KCNJ8: variants seen among roughly 807,000 people sequenced by gnomAD.
KCNJ8 encodes potassium inwardly rectifying channel subfamily J member 8.
Under a neutral mutation model 28.2 loss-of-function variants are expected in KCNJ8, and 13 were observed. That is an observed-to-expected ratio of 0.46 (90% CI 0.30 to 0.73). The LOEUF is 0.73. Ranked by LOEUF, KCNJ8 falls within the 30% of genes least tolerant of loss-of-function variation. The probability of loss-of-function intolerance (pLI) is 0.07; values close to 1 mark genes in which losing one functional copy is unlikely to be tolerated. For missense variants in KCNJ8, 284 were observed against 542.6 expected, an observed-to-expected ratio of 0.52 and a Z score of 4.73; for synonymous variants, 188 against 195.9, an observed-to-expected ratio of 0.96 and a Z score of 0.34.
At chr12:21,774,228 T>G (rs1222631616) in intron 1 of KCNJ8, among the ~76,000 whole-genome samples, 1 of 152,150 alleles carries the variant, frequency 6.6e-6, no homozygotes, top group East Asian at 1.9e-4. Context: ...GCTATAGAAT[T>G]TATAAGTTAT....
rs764215606 is a variant in KCNJ8, at chr12:21,766,031, G to A, written c.967C>T (p.Arg323Cys). The A allele has an allele frequency of 8.7e-6, 14 of 1,614,006 alleles. No homozygotes were observed. Among genetic ancestry groups the A allele is most frequent in the Admixed American group, 3.3e-5 (2 of 59,996 alleles). Residue 323 changes from arginine to cysteine, a missense_variant, in exon 3 of 3, where the codon CGC becomes TGC. By Grantham distance (180) the Arg-to-Cys change is radical. Transcript: ENST00000240662. This position sits in a 1 kb window ranked among gnomAD's most constrained non-coding sequence, Gnocchi z 6.5. ...YIAEEIQWGH[R>C]FVSIVTEEEG... is the part of the protein sequence containing the mutation. ...TCCTCAGTCACAATGGACACAAAGCGGTGGCCCCATTGGATCTCCTCAGCA... is the reference window on the plus strand; with the variant it reads ...TCCTCAGTCACAATGGACACAAAGCAGTGGCCCCATTGGATCTCCTCAGCA...
chr12:21,769,004 A>T (rs1423876902), intron 2 of KCNJ8, among the ~76,000 whole-genome samples: 14 of 152,226 alleles, frequency 9.2e-5, no homozygotes, highest in Non-Finnish European at 1.8e-4. Context: ...AGCTAAGAAA[A>T]TTAGTAAAGG....
chr12:21,768,055 T>C (rs976061472), intron 2 of KCNJ8, among the ~76,000 whole-genome samples: 1 of 151,632 alleles, frequency 6.6e-6, no homozygotes, highest in Non-Finnish European at 1.5e-5. Flanking sequence ...GGGGTGTGTG[T>C]GGGGGGAAAT....
chr12:21,766,041 T>C lies in KCNJ8; in HGVS notation c.957A>G (p.Gln319=), dbSNP rs147926739. The C allele has an allele frequency of 3.7e-6, 6 of 1,614,050 alleles. No homozygotes were observed. Among genetic ancestry groups the C allele is most frequent in the African/African-American group, 1.3e-5 (1 of 74,910 alleles). ...CAATGGACACAAAGCGGTGGCCCCA[T>C]TGGATCTCCTCAGCAATGTAGGAGG... is the stretch of plus-strand genomic sequence containing the variant. ...ARTSYIAEEI[Q]WGHRFVSIVT... is the part of the protein sequence containing the mutation. The change falls in exon 3 of 3, where the codon CAA becomes CAG. Residue 319 remains glutamine (Q), a synonymous_variant. Coordinates refer to ENST00000240662, the MANE Select transcript of KCNJ8 (RefSeq NM_004982.4). The surrounding 1 kb of genome is among the most constrained non-coding windows in gnomAD (Gnocchi z 6.5).
intron 2 of KCNJ8, among the ~76,000 whole-genome samples, chr12:21,771,253 A>T (rs1162660812): frequency 1.3e-5 from 2 of 152,218 alleles, no homozygotes; most frequent in African/African-American, 4.8e-5. Flanking sequence ...GAGACTATTC[A>T]TGAGCCACAT....
chr12:21,765,964 G>A lies in KCNJ8; in HGVS notation c.1034C>T (p.Thr345Ile). Reference sequence around the variant, plus strand: ...GCACCGTGGAGCAGCTACTTTAACAGTGTTGCCAAATTTGGAGTAATCCAC... The same window carrying A: ...GCACCGTGGAGCAGCTACTTTAACAATGTTGCCAAATTTGGAGTAATCCAC... ...YSVDYSKFGN[T>I]VKVAAPRCSA... is the part of the protein sequence containing the mutation. The change falls in exon 3 of 3, where the codon ACT (threonine) becomes ATT (isoleucine). Residue 345 changes from threonine to isoleucine, a missense_variant. Physicochemically the swap from Thr to Ile is moderately conservative, Grantham distance 89. Around this residue, in one of 8 missense-constraint regions of KCNJ8, gnomAD observed 107 missense variants for 235.6 expected, o/e 0.45. Coordinates refer to ENST00000240662, the MANE Select transcript of KCNJ8 (RefSeq NM_004982.4). The A allele has an allele frequency of 1.2e-6, 2 of 1,614,200 alleles. No individual in the cohort carries two copies. Among genetic ancestry groups the A allele is most frequent in the Non-Finnish European group, 1.7e-6 (2 of 1,180,026 alleles).
At chr12:21,769,177 T>G (rs1464799264) in intron 2 of KCNJ8, among the ~76,000 whole-genome samples, 6 of 152,266 alleles carry the variant, frequency 3.9e-5, no homozygotes, top group African/African-American at 1.4e-4. Flanking sequence ...GCTGGTAACA[T>G]CAAGTTGAAG....
chr12:21,773,129 A>G lies in KCNJ8; in HGVS notation c.374+114T>C, dbSNP rs1204427598. The G allele has an allele frequency of 6.2e-6, 8 of 1,282,036 alleles. No individual in the cohort carries two copies. Among genetic ancestry groups the G allele is most frequent in the Non-Finnish European group, 7.8e-6 (7 of 895,396 alleles). The allele number at this position is 1,282,036 out of a possible 1,614,324, so 79.4% of individuals were successfully genotyped here. A position where few individuals can be genotyped will look rare whatever the true frequency, so the allele number is the denominator to read the frequency against. ...GTGCTTTTTTGTTTCTGAAGATTCTAAAACAAACCCTTTATTTCACTTTCA... is the reference window on the plus strand; with the variant it reads ...GTGCTTTTTTGTTTCTGAAGATTCTGAAACAAACCCTTTATTTCACTTTCA... On this transcript the variant is annotated intron_variant, in intron 2 of 2. Transcript: ENST00000240662. The surrounding 1 kb of genome is among the most constrained non-coding windows in gnomAD (Gnocchi z 4.6).
chr12:21,773,351 A>C lies in KCNJ8; in HGVS notation c.266T>G (p.Ile89Ser). The C allele has an allele frequency of 8.7e-6, 14 of 1,614,250 alleles. No homozygotes were observed. Among genetic ancestry groups the C allele is most frequent in the Non-Finnish European group, 1.2e-5 (14 of 1,180,048 alleles). Reference sequence around the variant, plus strand: ...GGCAAAGGCCACCAGCCACCACATGATAGCGAAGAGCAGCCAGCTGCAGAG... The same window carrying C: ...GGCAAAGGCCACCAGCCACCACATGCTAGCGAAGAGCAGCCAGCTGCAGAG... The part of the protein sequence containing the change: ...SFLCSWLLFA[I>S]MWWLVAFAHG... Residue 89 changes from isoleucine to serine, a missense_variant, in exon 2 of 3, where the codon ATC (isoleucine) becomes AGC (serine). By Grantham distance (142) the Ile-to-Ser change is moderately radical (BLOSUM62 -2). Transcript: ENST00000240662. This position sits in a 1 kb window ranked among gnomAD's most constrained non-coding sequence, Gnocchi z 4.6.
chr12:21,767,320 C>A (rs867393138), intron 2 of KCNJ8, among the ~76,000 whole-genome samples: 10 of 114,992 alleles, frequency 8.7e-5, no homozygotes, highest in South Asian at 3.1e-4. Flanking sequence ...CCCCCCCCCC[C>A]CCACCTCCAG....
intron 2 of KCNJ8, among the ~76,000 whole-genome samples, chr12:21,768,029 T>TAGAAGA (rs1480964699): frequency 1.3e-5 from 2 of 151,638 alleles, no homozygotes; most frequent in Non-Finnish European, 2.9e-5. Flanking sequence ...ACTGGTTTTG[T>TAGAAGA]AGAAGACAAT....
At chr12:21,769,288 C>T (rs1383288201) in intron 2 of KCNJ8, among the ~76,000 whole-genome samples, 2 of 152,204 alleles carry the variant, frequency 1.3e-5, no homozygotes, top group African/African-American at 4.8e-5. Context: ...GGCTAGAGGA[C>T]AGCATATCTG....
intron 2 of KCNJ8, among the ~76,000 whole-genome samples, chr12:21,770,369 T>C (rs567787756): frequency 6.6e-6 from 1 of 152,368 alleles, no homozygotes; most frequent in South Asian, 2.1e-4. Flanking sequence ...AAATGTTTTA[T>C]ATGCACTGGG....
Position 21,773,760 on chromosome 12 carries a change from G to T in KCNJ8, c.-70-74C>A, listed in dbSNP as rs1940818846. Reference sequence around the variant, plus strand: ...CACCTCTTGGGTCCTTGTATTCAAGGATATGTCTGTACATGTGCGAGGTGA... The same window carrying T: ...CACCTCTTGGGTCCTTGTATTCAAGTATATGTCTGTACATGTGCGAGGTGA... On this transcript the variant is annotated intron_variant, in intron 1 of 2. Coordinates refer to ENST00000240662, the MANE Select transcript of KCNJ8 (RefSeq NM_004982.4). This position sits in a 1 kb window ranked among gnomAD's most constrained non-coding sequence, Gnocchi z 4.6. 3.5e-6 allele frequency: 4 copies of T among 1,131,680 alleles called. No homozygotes were observed. Among genetic ancestry groups the T allele is most frequent in the African/African-American group, 3.1e-5 (2 of 65,166 alleles). The allele number at this position is 1,131,680 out of a possible 1,614,324, so 70.1% of individuals were successfully genotyped here. A position where few individuals can be genotyped will look rare whatever the true frequency, so the allele number is the denominator to read the frequency against.
chr12:21,770,054 A>G (rs1037065853), intron 2 of KCNJ8, among the ~76,000 whole-genome samples: 6 of 152,242 alleles, frequency 3.9e-5, no homozygotes, highest in African/African-American at 1.4e-4. Context: ...GTAAAATGCT[A>G]TCAAACAGCA....
In KCNJ8 at chr12:21,773,667, G is replaced by C. The variant is rs770684231; in HGVS notation, c.-51C>G. ...CCACCTCCCTCTCACCTGCCTCTCC[G>C]TCCCTGGACACCCGTCCTCCTGCAC... On this transcript the variant is annotated 5_prime_UTR_variant, in exon 2 of 3. Transcript: ENST00000240662. The surrounding 1 kb of genome is among the most constrained non-coding windows in gnomAD (Gnocchi z 4.6). 1.9e-6 allele frequency: 3 copies of C among 1,605,054 alleles called. No individual in the cohort carries two copies. The Admixed American group carries it at 5.0e-5, about 27-fold the overall frequency.
At chr12:21,774,330 CTTT>C (rs113701092) in intron 1 of KCNJ8, among the ~76,000 whole-genome samples, 12 of 126,904 alleles carry the variant, frequency 9.5e-5, no homozygotes, top group Admixed American at 1.6e-4. Context: ...AAATTGAAAA[CTTT>C]TTTTTTTTTT....
At position 21,773,929 on chromosome 12, in the gene KCNJ8, CTTAG is replaced by C. The variant is rs140149545; in HGVS notation, c.-70-247_-70-244del. Among the ~76,000 whole-genome samples the C allele has an allele frequency of 0.017, 2,547 of 152,204 alleles. 62 individuals are homozygous for C. The highest frequency in any genetic ancestry group is 0.058 in the African/African-American group (2,401 of 41,488). ...TATTCTGAGTACATATGGACATAGC[CTTAG>C]TTAAACAAAACCAGGAGCCTTCCGG... On this transcript the variant is annotated intron_variant, in intron 1 of 2. Coordinates refer to ENST00000240662, the MANE Select transcript of KCNJ8 (RefSeq NM_004982.4). The surrounding 1 kb of genome is among the most constrained non-coding windows in gnomAD (Gnocchi z 4.6).
chr12:21,769,399 T>A (rs192109861), intron 2 of KCNJ8, among the ~76,000 whole-genome samples: 21 of 152,324 alleles, frequency 1.4e-4, no homozygotes, highest in Admixed American at 1.2e-3. Context: ...ACAATGCTCC[T>A]AGTCACTCAA....
Sources: allele counts gnomAD v4.1 joint callset (sites outside exome capture counted in the v4.1 genomes callset), GRCh38; gene constraint gnomAD v4.1.1; regional missense constraint gnomAD v4.1.1; non-coding constraint Gnocchi (gnomAD v3.1); transcripts MANE v1.5; gene names NCBI Gene and HGNC (gene_info 2026-07-23, HGNC 2026-07-21).